Variants in AUTS2 observed in about 807,000 individuals in gnomAD.
AUTS2 encodes the protein activator of transcription and developmental regulator AUTS2, also known as autism susceptibility gene 2 protein.
A neutral mutation model predicts 112.4 loss-of-function variants in AUTS2; 17 were observed. The ratio of observed to expected loss-of-function variants is 0.15; its 90% CI spans 0.10 to 0.23. AUTS2 has a LOEUF of 0.23. Ranked by LOEUF, AUTS2 falls within the 10% of genes least tolerant of loss-of-function variation. AUTS2 has a pLI of 1.00. For synonymous variants in AUTS2, 751 were observed against 702.7 expected, an observed-to-expected ratio of 1.07 and a Z score of -1.09; for missense variants, 1,510 against 1,701.6, an observed-to-expected ratio of 0.89 and a Z score of 1.98.
At chr7:70,700,200 G>C (rs1809375539) in intron 6 of AUTS2, among the ~76,000 whole-genome samples, 3 of 151,036 alleles carry the variant, frequency 2.0e-5, no homozygotes, top group Admixed American at 2.0e-4. Flanking sequence ...TCTTATTTTT[G>C]TTTACTTACA....
At chr7:70,652,198 C>T (rs573091475) in intron 5 of AUTS2, among the ~76,000 whole-genome samples, 2 of 152,186 alleles carry the variant, frequency 1.3e-5, no homozygotes, top group African/African-American at 4.8e-5. Context: ...TACACCAAAC[C>T]ACCTTCATTT....
rs528809986 is a variant in AUTS2, at chr7:69,788,358, A to G, written c.310-110928A>G. ...GCCCTATGAAAGAGGGTGCAAAGGA[A>G]GAAGGTGGAAGTTACTTTGCCAAGA... On this transcript the variant is annotated intron_variant, in intron 1 of 18. Transcript: ENST00000342771. 3.3e-5 allele frequency among the ~76,000 whole-genome samples: 5 copies of G among 152,284 alleles called. No individual in the cohort carries two copies. The South Asian group carries it at 8.3e-4, about 25-fold the overall frequency.
chr7:70,769,984 A>G (rs1442919858), intron 10 of AUTS2, among the ~76,000 whole-genome samples: 1 of 152,206 alleles, frequency 6.6e-6, no homozygotes, highest in African/African-American at 2.4e-5. Context: ...CATTAAAGGG[A>G]AAAGCCCACC....
At chr7:70,516,395 C>T (rs1799419846) in intron 5 of AUTS2, among the ~76,000 whole-genome samples, 1 of 152,174 alleles carries the variant, frequency 6.6e-6, no homozygotes, top group Non-Finnish European at 1.5e-5. Context: ...GAAGCACCCT[C>T]TTTTTGCTCA....
chr7:69,896,879 T>A (rs939684267), intron 1 of AUTS2, among the ~76,000 whole-genome samples: 7 of 152,208 alleles, frequency 4.6e-5, no homozygotes, highest in African/African-American at 1.7e-4. Context: ...ATAGCAGTCA[T>A]TTTCTCAGCT....
chr7:70,476,046 TAAAA>T (rs1451476955), intron 5 of AUTS2, among the ~76,000 whole-genome samples: 2 of 151,730 alleles, frequency 1.3e-5, no homozygotes, highest in Admixed American at 1.3e-4. Flanking sequence ...GAAAAAAAGA[TAAAA>T]AAAGCAACCA....
chr7:69,774,071 C>T (rs1328899318), intron 1 of AUTS2, among the ~76,000 whole-genome samples: 7 of 152,234 alleles, frequency 4.6e-5, no homozygotes, highest in Admixed American at 1.3e-4. Context: ...GCAGAGTCCA[C>T]ACCCACCACC....
intron 5 of AUTS2, among the ~76,000 whole-genome samples, chr7:70,509,383 G>C (rs931551436): frequency 6.6e-6 from 1 of 152,190 alleles, no homozygotes; most frequent in Middle Eastern, 3.2e-3. Flanking sequence ...TTGGGAGGAA[G>C]GTTGGGAAAG....
At chr7:70,729,063 G>A (rs553230295) in intron 6 of AUTS2, 1 of 416,198 alleles carries the variant, frequency 2.4e-6, no homozygotes, top group African/African-American at 2.0e-5. Context: ...TGTTCTTTGT[G>A]AAAGCTAGAG....
chr7:69,919,041 C>G (rs1050878721), intron 2 of AUTS2, among the ~76,000 whole-genome samples: 4 of 152,094 alleles, frequency 2.6e-5, no homozygotes, highest in African/African-American at 9.7e-5. Flanking sequence ...GAATACTTTT[C>G]TCTTAAATTC....
chr7:69,763,864 T>C (rs774197748), intron 1 of AUTS2, among the ~76,000 whole-genome samples: 10 of 152,212 alleles, frequency 6.6e-5, no homozygotes, highest in Non-Finnish European at 8.8e-5. Flanking sequence ...CTGCCTTAAA[T>C]TGTGATGTGT....
chr7:70,329,566 A>T (rs1474405754), intron 4 of AUTS2, among the ~76,000 whole-genome samples: 1 of 148,142 alleles, frequency 6.8e-6, no homozygotes. Flanking sequence ...CCATTTTTAT[A>T]TTTTTTTTTA....
intron 18 of AUTS2, among the ~76,000 whole-genome samples, chr7:70,788,315 T>G (rs1791652397): frequency 6.6e-6 from 1 of 152,228 alleles, no homozygotes; most frequent in East Asian, 1.9e-4. Flanking sequence ...TGTGTGTATA[T>G]CCTAGTAATT....
intron 1 of AUTS2, among the ~76,000 whole-genome samples, chr7:69,765,871 C>T (rs1367499615): frequency 2.0e-5 from 3 of 152,066 alleles, no homozygotes; most frequent in Non-Finnish European, 2.9e-5. Flanking sequence ...CGCTTGAGCC[C>T]AGGAGGACAA....
chr7:69,979,108 C>T (rs1211117537), intron 2 of AUTS2, among the ~76,000 whole-genome samples: 2 of 152,072 alleles, frequency 1.3e-5, no homozygotes, highest in Non-Finnish European at 2.9e-5. Context: ...TATAGAGTTT[C>T]CTTGGGTTTT....
intron 5 of AUTS2, among the ~76,000 whole-genome samples, chr7:70,460,259 A>C (rs1019772138): frequency 6.7e-6 from 1 of 148,912 alleles, no homozygotes; most frequent in Non-Finnish European, 1.5e-5. Context: ...GGTTTCCCGG[A>C]AGTAGTGGAA....
At chr7:70,156,650 C>T (rs904021929) in intron 4 of AUTS2, among the ~76,000 whole-genome samples, 4 of 152,044 alleles carry the variant, frequency 2.6e-5, no homozygotes, top group Non-Finnish European at 5.9e-5. Flanking sequence ...GACCTCACCA[C>T]TTCCAGTTAT....
At chr7:69,849,136 C>G (rs888926935) in intron 1 of AUTS2, among the ~76,000 whole-genome samples, 7 of 152,192 alleles carry the variant, frequency 4.6e-5, no homozygotes, top group Non-Finnish European at 7.3e-5. Flanking sequence ...GAGCTATGAT[C>G]ATATGACTGC....
intron 4 of AUTS2, among the ~76,000 whole-genome samples, chr7:70,303,465 C>CACAG (rs1789338055): frequency 6.6e-6 from 1 of 151,976 alleles, no homozygotes; most frequent in Non-Finnish European, 1.5e-5. Flanking sequence ...CACACACACA[C>CACAG]ACACACACAG....
Sources: allele counts gnomAD v4.1 joint callset (sites outside exome capture counted in the v4.1 genomes callset), GRCh38; gene constraint gnomAD v4.1.1; transcripts MANE v1.5; gene names NCBI Gene and HGNC (gene_info 2026-07-23, HGNC 2026-07-21).